GOLGA5: variants seen among roughly 807,000 people sequenced by gnomAD.
GOLGA5 encodes golgin A5, also known as golgin subfamily A member 5.
Under a neutral mutation model 93.5 loss-of-function variants are expected in GOLGA5, and 50 were observed. The observed-to-expected ratio is 0.53, with a 90% CI of 0.43 to 0.68. GOLGA5 has a LOEUF of 0.68. GOLGA5 is among the 30% of genes least tolerant of loss of function. GOLGA5 has a pLI of 0.00. For missense variants in GOLGA5, 760 were observed against 856.4 expected (o/e 0.89, Z 1.40); for synonymous variants, 312 against 304.5 (o/e 1.02, Z -0.26).
At chr14:92,806,665 A>G (rs568930570) in intron 2 of GOLGA5, 71 bp from the exon 3 acceptor site, 14 of 1,020,776 alleles carry the variant, frequency 1.4e-5, no homozygotes, top group African/African-American at 7.8e-5. Flanking sequence ...TGAGCATCCT[A>G]CCAAAGCAAG....
chr14:92,839,814 A>ATT lies in GOLGA5; in HGVS notation c.*368_*369insTT. On this transcript the variant is annotated 3_prime_UTR_variant, in exon 13 of 13. Transcript: ENST00000163416. ...ATTGTATTTAGTGACAAAAATAAAA[A>ATT]GTTTTTTTTTATAATTCAGTCTGCT... The ATT allele has an allele frequency of 7.3e-6, 1 of 137,038 alleles. No individual in the cohort carries two copies. The highest frequency in any genetic ancestry group is 1.2e-5 in the Non-Finnish European group (1 of 86,142). The allele number at this position is 137,038 out of a possible 1,614,324, so 8.5% of individuals were successfully genotyped here.
intron 6 of GOLGA5, among the ~76,000 whole-genome samples, chr14:92,812,586 C>T (rs1885125281): frequency 1.3e-5 from 2 of 152,128 alleles, no homozygotes; most frequent in African/African-American, 4.8e-5. Context: ...TCTTTTCCTA[C>T]TACATGTCTG....
intron 7 of GOLGA5, among the ~76,000 whole-genome samples, chr14:92,817,867 C>T (rs1335481913): frequency 6.6e-6 from 1 of 152,168 alleles, no homozygotes; most frequent in East Asian, 1.9e-4. Flanking sequence ...ATTTTCTCAT[C>T]TATAGAATGC....
intron 2 of GOLGA5, among the ~76,000 whole-genome samples, chr14:92,799,097 A>G (rs1053933146): frequency 1.3e-5 from 2 of 152,036 alleles, no homozygotes; most frequent in Non-Finnish European, 2.9e-5. Context: ...CCTCCTGAGT[A>G]GCTGGAACTA....
chr14:92,819,750 G>A lies in GOLGA5; in HGVS notation c.1534G>A (p.Glu512Lys). ...AGTTAATGAAGCAGAATCAGCAAGA[G>A]AACAGTTACAGGATCTGCATGACCA... ...QQVNEAESAR[E>K]QLQDLHDQIA... The change falls in exon 8 of 13, where the codon GAA (glutamate) becomes AAA (lysine). Residue 512 changes from glutamate (E) to lysine (K), a missense_variant. By Grantham distance (56) the Glu-to-Lys change is moderately conservative. Transcript: ENST00000163416. The A allele has an allele frequency of 1.2e-6, 2 of 1,613,866 alleles. No homozygotes were observed. The highest frequency in any genetic ancestry group is 1.7e-6 in the Non-Finnish European group (2 of 1,179,716).
intron 2 of GOLGA5, among the ~76,000 whole-genome samples, chr14:92,800,787 T>A (rs1566952375): frequency 3.3e-5 from 5 of 152,198 alleles, no homozygotes; most frequent in Admixed American, 2.6e-4. Context: ...GATCTTTAAG[T>A]CAAGAGTTGA....
chr14:92,816,527 T>TTTTCG, intron 7 of GOLGA5, 106 bp downstream of exon 7: 1 of 691,106 alleles, frequency 1.4e-6, no homozygotes, highest in Non-Finnish European at 2.4e-6. Flanking sequence ...TTCTCGCTTC[T>TTTTCG]CTTCGCTTCG....
intron 1 of GOLGA5, among the ~76,000 whole-genome samples, 154 bp downstream of exon 1, chr14:92,794,610 G>A (rs11849088): frequency 3.2e-3 from 484 of 152,350 alleles, no homozygotes; most frequent in Middle Eastern, 0.014. Context: ...GGTAACTGGA[G>A]AGACTCCTTG....
At chr14:92,826,203 T>C (rs1296542632) in intron 9 of GOLGA5, among the ~76,000 whole-genome samples, 3 of 151,226 alleles carry the variant, frequency 2.0e-5, no homozygotes, top group African/African-American at 4.9e-5. Context: ...AGGTTTTTCA[T>C]CAAATTAGAA....
chr14:92,806,247 G>A (rs1358240523), intron 2 of GOLGA5, among the ~76,000 whole-genome samples: 2 of 152,134 alleles, frequency 1.3e-5, no homozygotes, highest in East Asian at 3.8e-4. Flanking sequence ...TATCCTTAGA[G>A]GTCCATATGC....
intron 9 of GOLGA5, among the ~76,000 whole-genome samples, chr14:92,826,726 T>C (rs1028391057): frequency 6.7e-6 from 1 of 149,770 alleles, no homozygotes; most frequent in Non-Finnish European, 1.5e-5. Context: ...AAAAAGAAAA[T>C]TATTGCATGG....
intron 3 of GOLGA5, among the ~76,000 whole-genome samples, chr14:92,807,297 A>G (rs1319310388): frequency 7.3e-6 from 1 of 137,198 alleles, no homozygotes; most frequent in Admixed American, 7.9e-5. Context: ...GCAAGACTCT[A>G]TCTCAAAAAT....
At chr14:92,808,629 G>A (rs1885039960) in intron 3 of GOLGA5, among the ~76,000 whole-genome samples, 1 of 151,248 alleles carries the variant, frequency 6.6e-6, no homozygotes, top group South Asian at 2.1e-4. Context: ...CTCCAGCCGG[G>A]GCAACAGAGT....
chr14:92,830,797 A>G (rs558856150), intron 9 of GOLGA5, among the ~76,000 whole-genome samples: 11 of 152,114 alleles, frequency 7.2e-5, no homozygotes, highest in African/African-American at 2.7e-4. Flanking sequence ...GTGGGGTCTT[A>G]TTATGTTGCC....
chr14:92,819,644 T>C (rs1377249102), intron 7 of GOLGA5, 64 bp from the exon 8 acceptor site: 2 of 1,524,076 alleles, frequency 1.3e-6, no homozygotes, highest in Non-Finnish European at 9.1e-7. Flanking sequence ...AAAAGAAAAA[T>C]TGCTCAATAA....
At chr14:92,832,003 C>A (rs954949327) in intron 9 of GOLGA5, among the ~76,000 whole-genome samples, 13 of 152,142 alleles carry the variant, frequency 8.5e-5, no homozygotes, top group African/African-American at 3.1e-4. Context: ...TTTTTCAATA[C>A]TGTATTGATG....
At chr14:92,801,832 T>C (rs1884879842) in intron 2 of GOLGA5, among the ~76,000 whole-genome samples, 1 of 152,102 alleles carries the variant, frequency 6.6e-6, no homozygotes, top group Non-Finnish European at 1.5e-5. Flanking sequence ...ACCTGTCTTA[T>C]ATATCAAGTA....
In GOLGA5 at chr14:92,816,547, T is replaced by TTCG. The variant is rs1885212666; in HGVS notation, c.1491+126_1491+127insTCG. Reference sequence around the variant, plus strand: ...GCTTCTCTTCGCTTCGCTTCGCTTCTCTTCTCTTCCTCCTCCTCTTCCTCT... The same window carrying TTCG: ...GCTTCTCTTCGCTTCGCTTCGCTTCTTCGCTTCTCTTCCTCCTCCTCTTCCTCT... On this transcript the variant is annotated intron_variant, in intron 7 of 12. Transcript: ENST00000163416. 7.6e-5 allele frequency: 29 copies of TTCG among 383,658 alleles called. 1 individual carries two copies. Among genetic ancestry groups the TTCG allele is most frequent in the Non-Finnish European group, 1.1e-4 (25 of 217,742 alleles). 23.8% of individuals were successfully genotyped at this position (383,658 alleles called of 1,614,324 possible). A position where few individuals can be genotyped will look rare whatever the true frequency, so the allele number is the denominator to read the frequency against.
intron 9 of GOLGA5, among the ~76,000 whole-genome samples, chr14:92,830,888 C>T (rs959079106): frequency 3.0e-4 from 45 of 152,208 alleles, no homozygotes; most frequent in Admixed American, 2.2e-3. Context: ...ACGTGAGTCA[C>T]CACACCTGGC....
Sources: gnomAD v4.1 joint callset for allele counts (sites outside exome capture counted in the v4.1 genomes callset) on GRCh38, gnomAD v4.1.1 for gene constraint, MANE v1.5 for transcripts, NCBI Gene and HGNC (gene_info 2026-07-23, HGNC 2026-07-21) for gene names.